Variants in PDE10A observed in about 807,000 individuals in gnomAD.
The protein encoded by PDE10A is cAMP and cAMP-inhibited cGMP 3',5'-cyclic phosphodiesterase 10A.
PDE10A carries 39 observed loss-of-function variants against 97.7 expected under a neutral mutation model. That is an observed-to-expected ratio of 0.40 (90% CI 0.31 to 0.52). PDE10A has a LOEUF of 0.52. PDE10A is among the 20% of genes least tolerant of loss of function. The pLI is 0.56. For missense variants in PDE10A, 731 were observed against 1,047.8 expected (o/e 0.70, Z 4.17); for synonymous variants, 371 against 376.8 (o/e 0.98, Z 0.18).
intron 2 of PDE10A, among the ~76,000 whole-genome samples, chr6:165,536,080 T>C (rs1783066983): frequency 6.6e-6 from 1 of 151,972 alleles, no homozygotes; most frequent in Non-Finnish European, 1.5e-5. Flanking sequence ...TATAAACCTA[T>C]AGTAACCAAA....
chr6:165,659,245 C>T (rs1790114683), intron 1 of PDE10A, among the ~76,000 whole-genome samples: 1 of 151,872 alleles, frequency 6.6e-6, no homozygotes, highest in African/African-American at 2.4e-5. Flanking sequence ...TACGTGACAA[C>T]TTGCATATCA....
chr6:165,468,180 G>C (rs1778770197), intron 3 of PDE10A, among the ~76,000 whole-genome samples: 1 of 152,168 alleles, frequency 6.6e-6, no homozygotes, highest in Non-Finnish European at 1.5e-5. Context: ...CCAGGTTCAA[G>C]CGATTCTCCT....
intron 1 of PDE10A, among the ~76,000 whole-genome samples, chr6:165,687,566 T>C (rs529207114): frequency 6.6e-6 from 1 of 152,218 alleles, no homozygotes; most frequent in Non-Finnish European, 1.5e-5. Flanking sequence ...ATTTGGATAG[T>C]GTTACCAAAG....
chr6:165,865,672 T>C (rs1781023037), intron 1 of PDE10A, among the ~76,000 whole-genome samples: 1 of 151,968 alleles, frequency 6.6e-6, no homozygotes, highest in Non-Finnish European at 1.5e-5. Context: ...GCTTCAACAA[T>C]TGACTAGATC....
At chr6:165,847,524 T>C (rs984652957) in intron 1 of PDE10A, among the ~76,000 whole-genome samples, 1 of 152,256 alleles carries the variant, frequency 6.6e-6, no homozygotes, top group African/African-American at 2.4e-5. Flanking sequence ...CATAGAAGCA[T>C]GTACCGAACA....
intron 18 of PDE10A, among the ~76,000 whole-genome samples, chr6:165,344,722 T>C (rs1206604732): frequency 6.6e-6 from 1 of 152,216 alleles, no homozygotes; most frequent in East Asian, 1.9e-4. Flanking sequence ...AGTTCTTTAT[T>C]TCCTGTCAGC....
intron 1 of PDE10A, among the ~76,000 whole-genome samples, chr6:165,691,406 A>G (rs1292631637): frequency 1.3e-5 from 2 of 151,978 alleles, no homozygotes; most frequent in African/African-American, 4.8e-5. Flanking sequence ...TTTGTAACCT[A>G]AGAGCAACAG....
upstream of PDE10A, among the ~76,000 whole-genome samples, chr6:165,667,808 A>G (rs1790534614): frequency 1.3e-5 from 2 of 152,232 alleles, no homozygotes; most frequent in Admixed American, 1.3e-4. Flanking sequence ...GGTGTTAAAA[A>G]GTATTGCTGA....
At position 165,836,072 on chromosome 6, in the gene PDE10A, T is replaced by A. The variant is rs1780056939; in HGVS notation, c.-615+151457A>T. Among the ~76,000 whole-genome samples the A allele has an allele frequency of 2.0e-5, 3 of 152,284 alleles. No individual in the cohort carries two copies. The South Asian group carries it at 6.2e-4, about 32-fold the overall frequency. ...GCCCAATCTAAAACGCTTTCGCTGT[T>A]TTCTCTGCCTGTCCAAAGCCTCCGT... is the stretch of plus-strand genomic sequence containing the variant. On this transcript the variant is annotated intron_variant, in intron 1 of 19. Coordinates refer to the PDE10A transcript ENST00000366882.
intron 13 of PDE10A, among the ~76,000 whole-genome samples, chr6:165,400,861 A>G (rs1225226951): frequency 6.6e-6 from 1 of 152,244 alleles, no homozygotes; most frequent in Non-Finnish European, 1.5e-5. Flanking sequence ...TCCATACAAT[A>G]AACTACTACT....
intron 1 of PDE10A, among the ~76,000 whole-genome samples, chr6:165,921,163 C>G (rs1254912178): frequency 6.6e-6 from 1 of 152,218 alleles, no homozygotes; most frequent in Non-Finnish European, 1.5e-5. Flanking sequence ...ATACCTCTGA[C>G]TGTGTTCTGG....
chr6:165,909,733 T>C (rs1011582162), intron 1 of PDE10A, among the ~76,000 whole-genome samples: 6 of 152,192 alleles, frequency 3.9e-5, no homozygotes, highest in Non-Finnish European at 7.3e-5. Flanking sequence ...CTCTTCTGGC[T>C]TCTCACTTAG....
intron 1 of PDE10A, among the ~76,000 whole-genome samples, chr6:165,564,501 A>C (rs1784680434): frequency 1.3e-5 from 2 of 152,240 alleles, no homozygotes; most frequent in South Asian, 4.1e-4. Flanking sequence ...ATTCAAACTT[A>C]ATAAATGAAA....
intron 1 of PDE10A, among the ~76,000 whole-genome samples, chr6:165,729,844 T>C (rs1040950025): frequency 1.3e-5 from 2 of 152,206 alleles, no homozygotes; most frequent in African/African-American, 2.4e-5. Context: ...CTTCAGACTT[T>C]CAGATAACAT....
chr6:165,914,591 A>G (rs1272728233), intron 1 of PDE10A, among the ~76,000 whole-genome samples: 2 of 152,210 alleles, frequency 1.3e-5, no homozygotes, highest in African/African-American at 4.8e-5. Flanking sequence ...GTGTCAAGGG[A>G]TGTTGTCACC....
intron 1 of PDE10A, among the ~76,000 whole-genome samples, chr6:165,906,552 G>C (rs1342304803): frequency 6.6e-6 from 1 of 152,168 alleles, no homozygotes; most frequent in African/African-American, 2.4e-5. Context: ...TGAAATAATA[G>C]ATAATGGCTT....
At chr6:165,494,517 CATATAT>C (rs112000837) in intron 2 of PDE10A, among the ~76,000 whole-genome samples, 28 of 141,926 alleles carry the variant, frequency 2.0e-4, no homozygotes, top group Non-Finnish European at 4.6e-5. Flanking sequence ...ATGGTGTGTG[CATATAT>C]ATATATATAT....
chr6:165,374,754 G>GA (rs1466781776), intron 18 of PDE10A, among the ~76,000 whole-genome samples: 1 of 107,578 alleles, frequency 9.3e-6, no homozygotes, highest in African/African-American at 4.5e-5. Flanking sequence ...CCATGTTTTT[G>GA]GTTTTTTTTT....
At chr6:165,877,167 C>T (rs1781364675) in intron 1 of PDE10A, among the ~76,000 whole-genome samples, 1 of 152,160 alleles carries the variant, frequency 6.6e-6, no homozygotes, top group South Asian at 2.1e-4. Flanking sequence ...GTGTGGGTCT[C>T]AAAACTTACA....
Sources: allele counts gnomAD v4.1 joint callset (sites outside exome capture counted in the v4.1 genomes callset), GRCh38; gene constraint gnomAD v4.1.1; transcripts MANE v1.5; gene names NCBI Gene and HGNC (gene_info 2026-07-23, HGNC 2026-07-21).